OGDH: variants seen among roughly 807,000 people sequenced by gnomAD.
OGDH encodes the protein 2-oxoglutarate dehydrogenase complex component E1.
Under a neutral mutation model 116.6 loss-of-function variants are expected in OGDH, and 38 were observed. The observed-to-expected ratio is 0.33, with a 90% CI of 0.25 to 0.43. The LOEUF (loss-of-function observed/expected upper bound fraction) is 0.43, where lower values mean the gene tolerates loss of function less well. Ranked by LOEUF, OGDH falls within the 20% of genes least tolerant of loss-of-function variation. The probability of loss-of-function intolerance (pLI) is 1.00; values close to 1 mark genes in which losing one functional copy is unlikely to be tolerated. For synonymous variants in OGDH, 488 were observed against 533.3 expected (o/e 0.92, Z 1.17); for missense variants, 825 against 1,357.2 (o/e 0.61, Z 6.16).
At chr7:44,684,556 G>T (rs1317893770) in intron 10 of OGDH, among the ~76,000 whole-genome samples, 1 of 152,028 alleles carries the variant, frequency 6.6e-6, no homozygotes. Context: ...GGTACTTTAT[G>T]TATATTAACT....
intron 7 of OGDH, chr7:44,674,802 C>A: frequency 1.8e-6 from 1 of 562,122 alleles, no homozygotes; most frequent in Non-Finnish European, 3.2e-6. Context: ...TTTGGCCTTA[C>A]AGTGCATCTT....
At position 44,701,580 on chromosome 7, in the gene OGDH, C is replaced by G. The variant is rs774116018; in HGVS notation, c.2597C>G (p.Pro866Arg). The change falls in exon 20 of 23, where the codon CCC (proline) becomes CGC (arginine). Residue 866 changes from proline to arginine, a missense_variant. Physicochemically the swap from Pro to Arg is moderately radical, Grantham distance 103 (BLOSUM62 -2). This residue lies in a region of OGDH where 212 missense variants were observed against 284.3 expected (regional missense o/e 0.75). Transcript: ENST00000222673. Reference protein sequence around the residue: ...IFTPKSLLRHPEARSSFDEML... With the variant: ...IFTPKSLLRHREARSSFDEML... Reference sequence around the variant, plus strand: ...ACCCCCAAATCCCTGTTGCGCCACCCCGAGGCCAGATCCAGCTTTGATGAG... The same window carrying G: ...ACCCCCAAATCCCTGTTGCGCCACCGCGAGGCCAGATCCAGCTTTGATGAG... The G allele has an allele frequency of 7.4e-6, 12 of 1,614,060 alleles. No homozygotes were observed. The highest frequency in any genetic ancestry group is 8.5e-7 in the Non-Finnish European group (1 of 1,180,036).
chr7:44,698,182 G>A lies in OGDH; in HGVS notation c.2359-10G>A. 6.2e-7 allele frequency: 1 copy of A among 1,614,196 alleles called. No homozygotes were observed. Among genetic ancestry groups the A allele is most frequent in the Non-Finnish European group, 8.5e-7 (1 of 1,180,018 alleles). Reference sequence around the variant, plus strand: ...AGCTCTTAAACTGTAACTTGCGTGTGTGGTTCCAGGGTCCAGAACATTCCT... The same window carrying A: ...AGCTCTTAAACTGTAACTTGCGTGTATGGTTCCAGGGTCCAGAACATTCCT... On this transcript the variant is annotated splice_polypyrimidine_tract_variant and intron_variant, in intron 17 of 22. Coordinates refer to ENST00000222673, the MANE Select transcript of OGDH (RefSeq NM_002541.4).
Position 44,694,652 on chromosome 7 carries a change from G to A in OGDH, c.1668+76G>A. 6.4e-7 allele frequency: 1 copy of A among 1,557,596 alleles called. No individual in the cohort carries two copies. The highest frequency in any genetic ancestry group is 1.7e-5 in the Admixed American group (1 of 57,870). Reference sequence around the variant, plus strand: ...CTAGAAAAGGTGGGCCACAGGGCCAGTTCTCACTTTTGCCAGTTATGAGGA... The same window carrying A: ...CTAGAAAAGGTGGGCCACAGGGCCAATTCTCACTTTTGCCAGTTATGAGGA... On this transcript the variant is annotated intron_variant, in intron 12 of 22. Coordinates refer to ENST00000222673, the MANE Select transcript of OGDH (RefSeq NM_002541.4). The surrounding 1 kb of genome is among the most constrained non-coding windows in gnomAD (Gnocchi z 4.2).
At chr7:44,630,216 A>G (rs904803043) in intron 2 of OGDH, among the ~76,000 whole-genome samples, 5 of 152,228 alleles carry the variant, frequency 3.3e-5, no homozygotes, top group South Asian at 2.1e-4. Flanking sequence ...AAATAGGACT[A>G]TGGTACCCAT....
intron 2 of OGDH, among the ~76,000 whole-genome samples, chr7:44,626,355 A>G (rs966957117): frequency 1.3e-5 from 2 of 151,404 alleles, no homozygotes; most frequent in Non-Finnish European, 2.9e-5. Flanking sequence ...ACACACACAC[A>G]CACACCCCTA....
Position 44,645,313 on chromosome 7 carries a change from T to C in OGDH, c.223-14T>C. The C allele has an allele frequency of 6.2e-7, 1 of 1,612,682 alleles. No homozygotes were observed. The highest frequency in any genetic ancestry group is 8.5e-7 in the Non-Finnish European group (1 of 1,179,098). On this transcript the variant is annotated splice_polypyrimidine_tract_variant and intron_variant, in intron 2 of 22. Coordinates refer to ENST00000222673, the MANE Select transcript of OGDH (RefSeq NM_002541.4). ...GGGAGCAGTGAGGTAACCCTGTACC[T>C]TCTTTGTCTTTAGTCATGGGACATT...
chr7:44,658,048 C>G (rs1034740674), intron 4 of OGDH, among the ~76,000 whole-genome samples: 1 of 152,168 alleles, frequency 6.6e-6, no homozygotes, highest in South Asian at 2.1e-4. Flanking sequence ...AGCTACTAAA[C>G]TTTATTTTTC....
At chr7:44,656,357 T>G in intron 4 of OGDH, 1 of 1,535,916 alleles carries the variant, frequency 6.5e-7, no homozygotes, top group African/African-American at 1.4e-5. Context: ...ATGCTAACAG[T>G]AGGAGGTATG....
chr7:44,699,369 G>C (rs1343395381), intron 18 of OGDH, among the ~76,000 whole-genome samples: 3 of 145,924 alleles, frequency 2.1e-5, no homozygotes, highest in African/African-American at 7.7e-5. Flanking sequence ...AGGTTGCAGT[G>C]AGCCAAGATT....
At chr7:44,641,037 GCA>G (rs1785908695) in intron 2 of OGDH, among the ~76,000 whole-genome samples, 1 of 150,412 alleles carries the variant, frequency 6.6e-6, no homozygotes. Context: ...GGGATTATAG[GCA>G]CACACCACCA....
intron 8 of OGDH, 152 bp from the exon 9 acceptor site, chr7:44,675,818 A>G (rs1787666198): frequency 5.7e-6 from 4 of 696,612 alleles, no homozygotes; most frequent in South Asian, 1.9e-5. Flanking sequence ...TGGAGGTTGC[A>G]GTGAGCCGAG....
At chr7:44,616,179 T>C (rs539551407) in intron 1 of OGDH, among the ~76,000 whole-genome samples, 9 of 152,214 alleles carry the variant, frequency 5.9e-5, no homozygotes, top group African/African-American at 2.2e-4. Context: ...ACACGTTTTA[T>C]ATATGCTTTA....
At chr7:44,615,678 G>A in intron 1 of OGDH, among the ~76,000 whole-genome samples, 1 of 152,144 alleles carries the variant, frequency 6.6e-6, no homozygotes, top group East Asian at 1.9e-4. Flanking sequence ...ACACCTGTTG[G>A]CATTTCTGGG....
chr7:44,665,379 C>A (rs576368455), intron 4 of OGDH, among the ~76,000 whole-genome samples: 6 of 143,062 alleles, frequency 4.2e-5, no homozygotes, highest in Non-Finnish European at 9.2e-5. Flanking sequence ...ACTTAAAAAA[C>A]AAAACAAAAC....
rs111539861 is a variant in OGDH, at chr7:44,626,972, G to A, written c.222+2407G>A. Reference sequence around the variant, plus strand: ...GAATTGGGCCCAGTATGTGGTGTGTGCATGTTTTTTGTTTGTTTGTTTTTT... The same window carrying A: ...GAATTGGGCCCAGTATGTGGTGTGTACATGTTTTTTGTTTGTTTGTTTTTT... On this transcript the variant is annotated intron_variant, in intron 2 of 22. Transcript: ENST00000222673. 2.5e-3 allele frequency among the ~76,000 whole-genome samples: 380 copies of A among 152,220 alleles called. 4 individuals carry two copies. Among genetic ancestry groups the A allele is most frequent in the African/African-American group, 8.5e-3 (355 of 41,544 alleles).
At chr7:44,682,873 G>A (rs374887369) in intron 10 of OGDH, among the ~76,000 whole-genome samples, 20 of 151,774 alleles carry the variant, frequency 1.3e-4, no homozygotes, top group Admixed American at 3.3e-4. Context: ...AATAGGCTGG[G>A]CGTGGTGGCT....
chr7:44,632,791 TG>T (rs1785498895), intron 2 of OGDH, among the ~76,000 whole-genome samples: 1 of 151,924 alleles, frequency 6.6e-6, no homozygotes, highest in South Asian at 2.1e-4. Flanking sequence ...GCTAATTTTT[TG>T]TATTTTTAGT....
At chr7:44,695,756 C>G (rs562828966) in intron 12 of OGDH, among the ~76,000 whole-genome samples, 1 of 151,246 alleles carries the variant, frequency 6.6e-6, no homozygotes, top group South Asian at 2.1e-4. Flanking sequence ...CGAGCAGAAT[C>G]TCTACCCAGC....
Sources: gnomAD v4.1 joint callset for allele counts (sites outside exome capture counted in the v4.1 genomes callset) on GRCh38, gnomAD v4.1.1 for gene constraint, gnomAD v4.1.1 regional missense constraint, Gnocchi (gnomAD v3.1) non-coding constraint, MANE v1.5 for transcripts, NCBI Gene and HGNC (gene_info 2026-07-23, HGNC 2026-07-21) for gene names.